LRMDA: variants seen among roughly 807,000 people sequenced by gnomAD.
LRMDA encodes the protein leucine rich melanocyte differentiation associated.
LRMDA carries 18 observed loss-of-function variants against 29.8 expected under a neutral mutation model. The observed-to-expected ratio is 0.60, with a 90% CI of 0.42 to 0.90. LRMDA has a LOEUF of 0.90. Ranked by LOEUF, LRMDA falls within the 40% of genes least tolerant of loss-of-function variation. The pLI is 0.00. For missense variants in LRMDA, 273 were observed against 273.9 expected (o/e 1.00, Z 0.02); for synonymous variants, 125 against 109.4 (o/e 1.14, Z -0.89).
intron 2 of LRMDA, among the ~76,000 whole-genome samples, chr10:75,963,762 C>T (rs1846809167): frequency 6.6e-6 from 1 of 152,214 alleles, no homozygotes. Context: ...GATGGCAGTG[C>T]TTTGAACAAT....
intron 2 of LRMDA, among the ~76,000 whole-genome samples, chr10:75,569,301 A>G (rs776658435): frequency 1.4e-4 from 22 of 152,218 alleles, no homozygotes; most frequent in Non-Finnish European, 2.8e-4. Flanking sequence ...GCATGCCACT[A>G]TGTCAGAAAA....
At chr10:76,222,425 A>G (rs951916759) in intron 5 of LRMDA, among the ~76,000 whole-genome samples, 6 of 152,238 alleles carry the variant, frequency 3.9e-5, no homozygotes, top group African/African-American at 7.2e-5. Context: ...ATTTACAAGA[A>G]AAAAACAAAC....
At chr10:76,210,274 G>C (rs910278202) in intron 5 of LRMDA, among the ~76,000 whole-genome samples, 1 of 152,172 alleles carries the variant, frequency 6.6e-6, no homozygotes, top group Non-Finnish European at 1.5e-5. Context: ...CAAGCAGGGG[G>C]TGGAGGTGGG....
chr10:75,941,042 G>C (rs1343614867), intron 2 of LRMDA, among the ~76,000 whole-genome samples: 1 of 152,108 alleles, frequency 6.6e-6, no homozygotes, highest in Non-Finnish European at 1.5e-5. Context: ...TCTGCTAAGG[G>C]GGAACAAAGG....
intron 6 of LRMDA, among the ~76,000 whole-genome samples, chr10:76,520,531 A>G (rs1843108257): frequency 1.3e-5 from 2 of 152,140 alleles, no homozygotes; most frequent in Non-Finnish European, 2.9e-5. Flanking sequence ...TATTTTTTTA[A>G]TAGTGTTTGA....
At chr10:75,768,948 C>T (rs1197337399) in intron 2 of LRMDA, among the ~76,000 whole-genome samples, 2 of 152,188 alleles carry the variant, frequency 1.3e-5, no homozygotes, top group Admixed American at 1.3e-4. Context: ...TGGCCAGGGC[C>T]TGCAATTCAG....
chr10:76,345,652 G>A (rs192995201), intron 6 of LRMDA, among the ~76,000 whole-genome samples: 207 of 151,992 alleles, frequency 1.4e-3, no homozygotes, highest in Admixed American at 2.9e-3. Context: ...CCTAGGCATG[G>A]AAAAAGAGTA....
At chr10:75,645,190 C>T (rs1841503123) in intron 2 of LRMDA, among the ~76,000 whole-genome samples, 1 of 152,134 alleles carries the variant, frequency 6.6e-6, no homozygotes, top group Non-Finnish European at 1.5e-5. Flanking sequence ...GCCATGTTGG[C>T]CAGGCTGGTC....
At chr10:75,854,535 T>A (rs546013919) in intron 2 of LRMDA, among the ~76,000 whole-genome samples, 11 of 152,294 alleles carry the variant, frequency 7.2e-5, no homozygotes, top group African/African-American at 2.6e-4. Context: ...ATCAAGGCTT[T>A]GGAAAAATGA....
intron 2 of LRMDA, among the ~76,000 whole-genome samples, chr10:75,533,563 G>C (rs60861412): frequency 0.016 from 2,496 of 152,266 alleles, 70 homozygotes; most frequent in African/African-American, 0.056. Flanking sequence ...GTTAAAAGTA[G>C]GTAAATAATA....
chr10:75,972,101 C>T (rs1404713122), intron 2 of LRMDA, among the ~76,000 whole-genome samples: 1 of 152,110 alleles, frequency 6.6e-6, no homozygotes, highest in African/African-American at 2.4e-5. Context: ...CAGCTGTTTT[C>T]TGAATGTTTG....
At chr10:75,677,531 G>A (rs973977164) in intron 2 of LRMDA, among the ~76,000 whole-genome samples, 1 of 152,062 alleles carries the variant, frequency 6.6e-6, no homozygotes, top group African/African-American at 2.4e-5. Context: ...TTTGCATCGA[G>A]GAGATACCTA....
At chr10:76,267,216 A>C (rs1196936504) in intron 5 of LRMDA, among the ~76,000 whole-genome samples, 1 of 151,902 alleles carries the variant, frequency 6.6e-6, no homozygotes, top group Non-Finnish European at 1.5e-5. Context: ...TGTTTTTTTT[A>C]AACAGCTATT....
chr10:76,307,259 G>C (rs1840568430), intron 5 of LRMDA, among the ~76,000 whole-genome samples: 1 of 152,142 alleles, frequency 6.6e-6, no homozygotes, highest in Middle Eastern at 3.2e-3. Flanking sequence ...TAAACTTTAT[G>C]ATATCTGCAA....
intron 2 of LRMDA, among the ~76,000 whole-genome samples, chr10:75,598,832 T>G (rs1840840423): frequency 6.6e-6 from 1 of 152,168 alleles, no homozygotes; most frequent in African/African-American, 2.4e-5. Context: ...CAAATAGACA[T>G]GAAGGGCCTT....
At chr10:76,093,536 G>A (rs375728916) in intron 5 of LRMDA, among the ~76,000 whole-genome samples, 5 of 152,154 alleles carry the variant, frequency 3.3e-5, no homozygotes, top group East Asian at 1.9e-4. Flanking sequence ...AAGCCTTGTC[G>A]AATGTTGTTA....
At chr10:76,387,496 G>C (rs1022788055) in intron 6 of LRMDA, among the ~76,000 whole-genome samples, 2 of 151,974 alleles carry the variant, frequency 1.3e-5, no homozygotes, top group Non-Finnish European at 2.9e-5. Context: ...CCAGCTACTT[G>C]GAAGGCTGAG....
intron 2 of LRMDA, among the ~76,000 whole-genome samples, chr10:75,838,132 A>G (rs1028041387): frequency 2.6e-5 from 4 of 152,244 alleles, no homozygotes; most frequent in Non-Finnish European, 5.9e-5. Flanking sequence ...TCAAATGTCC[A>G]TAACATTATC....
intron 5 of LRMDA, among the ~76,000 whole-genome samples, chr10:76,304,500 T>C (rs1290898998): frequency 6.6e-6 from 1 of 152,152 alleles, no homozygotes; most frequent in Non-Finnish European, 1.5e-5. Context: ...GGAGGAACTA[T>C]GCATGCCACC....
Sources: allele counts gnomAD v4.1 joint callset (sites outside exome capture counted in the v4.1 genomes callset), GRCh38; gene constraint gnomAD v4.1.1; transcripts MANE v1.5; gene names NCBI Gene and HGNC (gene_info 2026-07-23, HGNC 2026-07-21).